The following EYS variants were observed in gnomAD, a reference collection of about 807,000 sequenced individuals.
EYS encodes the protein EGF-like photoreceptor maintenance factor.
A neutral mutation model predicts 282.1 loss-of-function variants in EYS; 250 were observed. That is an observed-to-expected ratio of 0.89 (90% CI 0.80 to 0.98). EYS has a LOEUF of 0.98. Among genes scored for constraint, EYS ranks in the 50% least tolerant of loss-of-function variants. The probability of loss-of-function intolerance (pLI) is 0.00; values close to 1 mark genes in which losing one functional copy is unlikely to be tolerated. For missense variants in EYS, 4,016 were observed against 3,709.0 expected, an observed-to-expected ratio of 1.08 and a Z score of -2.15; for synonymous variants, 1,355 against 1,282.9, an observed-to-expected ratio of 1.06 and a Z score of -1.20.
intron 19 of EYS, among the ~76,000 whole-genome samples, chr6:64,837,319 G>T (rs1197268466): frequency 6.6e-6 from 1 of 151,210 alleles, no homozygotes; most frequent in African/African-American, 2.4e-5. Context: ...AGGCATAGAA[G>T]AAACACACTT....
At position 63,776,551 on chromosome 6, in the gene EYS, A is replaced by T. The variant is rs999160459; in HGVS notation, c.7898+1455T>A. 9.8e-5 allele frequency among the ~76,000 whole-genome samples: 15 copies of T among 152,312 alleles called. No individual in the cohort carries two copies. The East Asian group carries it at 2.5e-3, about 25-fold the overall frequency. Reference sequence around the variant, plus strand: ...TGAGGAGCAATGGAAATAATATTTTAAAAAATGCTTTGTTACACACAAAGT... The same window carrying T: ...TGAGGAGCAATGGAAATAATATTTTTAAAAATGCTTTGTTACACACAAAGT... On this transcript the variant is annotated intron_variant, in intron 40 of 42. Transcript: ENST00000503581.
chr6:64,546,957 C>G (rs1380177723), intron 26 of EYS, among the ~76,000 whole-genome samples: 4 of 152,282 alleles, frequency 2.6e-5, no homozygotes, highest in African/African-American at 9.6e-5. Context: ...CTTGGTCTCA[C>G]TGACTTCAAG....
At chr6:64,637,392 A>T (rs1187795855) in intron 22 of EYS, among the ~76,000 whole-genome samples, 1 of 76,832 alleles carries the variant, frequency 1.3e-5, no homozygotes, top group East Asian at 3.1e-4. Flanking sequence ...GAATCGAACA[A>T]TGAGAACACA....
intron 30 of EYS, among the ~76,000 whole-genome samples, chr6:64,248,220 T>C (rs1167704145): frequency 6.7e-6 from 1 of 149,648 alleles, no homozygotes; most frequent in African/African-American, 2.5e-5. Flanking sequence ...TGTGTGTGTG[T>C]ATAGGTGCGT....
intron 22 of EYS, among the ~76,000 whole-genome samples, chr6:64,772,603 A>G (rs532420497): frequency 6.6e-6 from 1 of 151,776 alleles, no homozygotes; most frequent in African/African-American, 2.4e-5. Flanking sequence ...AGAACTTACC[A>G]CTTTTATCTA....
chr6:64,741,403 T>A (rs2149961282), intron 22 of EYS, among the ~76,000 whole-genome samples: 1 of 152,302 alleles, frequency 6.6e-6, no homozygotes, highest in East Asian at 1.9e-4. Context: ...AAAGTAGATT[T>A]AACATAATTC....
At chr6:65,277,173 G>A (rs958671995) in intron 12 of EYS, among the ~76,000 whole-genome samples, 1 of 152,092 alleles carries the variant, frequency 6.6e-6, no homozygotes, top group Admixed American at 6.6e-5. Context: ...AGTGGCTCAT[G>A]CCTGTAATTC....
intron 2 of EYS, among the ~76,000 whole-genome samples, chr6:65,588,503 T>C (rs1055170231): frequency 2.6e-5 from 4 of 152,028 alleles, no homozygotes; most frequent in Non-Finnish European, 5.9e-5. Flanking sequence ...TACCTGTCTG[T>C]TTCCTTCACT....
chr6:64,947,266 A>AT (rs1044330141), intron 14 of EYS, among the ~76,000 whole-genome samples: 2 of 151,870 alleles, frequency 1.3e-5, no homozygotes, highest in African/African-American at 2.4e-5. Flanking sequence ...TGGACAGCAA[A>AT]TTTTTTTTAC....
chr6:64,298,577 A>G (rs1481739265), intron 30 of EYS, among the ~76,000 whole-genome samples: 1 of 152,072 alleles, frequency 6.6e-6, no homozygotes, highest in Non-Finnish European at 1.5e-5. Flanking sequence ...TCACTATAAA[A>G]GATAAACTAA....
intron 36 of EYS, among the ~76,000 whole-genome samples, chr6:63,857,958 G>A (rs1346348252): frequency 1.3e-5 from 2 of 152,098 alleles, no homozygotes; most frequent in African/African-American, 4.8e-5. Context: ...ATATGTGATA[G>A]CATTAAATGT....
intron 33 of EYS, among the ~76,000 whole-genome samples, chr6:64,037,954 A>G (rs1233636560): frequency 1.3e-5 from 2 of 152,238 alleles, no homozygotes; most frequent in African/African-American, 4.8e-5. Context: ...GGCACTGGGT[A>G]AAGTTTCAAT....
intron 30 of EYS, among the ~76,000 whole-genome samples, chr6:64,284,747 G>T (rs562702968): frequency 6.6e-6 from 1 of 152,052 alleles, no homozygotes; most frequent in East Asian, 1.9e-4. Context: ...TTCTGCACCC[G>T]CATGCTCAAC....
intron 11 of EYS, 65 bp from the exon 12 acceptor site, chr6:65,296,184 T>G (rs1295691630): frequency 1.5e-6 from 2 of 1,343,132 alleles, no homozygotes; most frequent in Non-Finnish European, 2.0e-6. Flanking sequence ...TTTAAGTATT[T>G]AAATCACACA....
chr6:64,416,156 A>G (rs1311117703), intron 28 of EYS, among the ~76,000 whole-genome samples: 3 of 152,166 alleles, frequency 2.0e-5, no homozygotes, highest in Non-Finnish European at 4.4e-5. Flanking sequence ...GGCTTCCTTA[A>G]ATAAAGCACT....
intron 31 of EYS, among the ~76,000 whole-genome samples, chr6:64,093,478 T>G (rs1323831847): frequency 1.3e-5 from 2 of 152,200 alleles, no homozygotes; most frequent in African/African-American, 4.8e-5. Flanking sequence ...ACATCCCTTG[T>G]CAGTTGGATT....
chr6:65,423,115 C>T (rs1056421445), intron 5 of EYS, among the ~76,000 whole-genome samples: 3 of 151,492 alleles, frequency 2.0e-5, no homozygotes, highest in Non-Finnish European at 4.4e-5. Flanking sequence ...TAATCCTCAC[C>T]CACATAAAAA....
At chr6:64,398,519 C>T (rs1195413407) in intron 28 of EYS, among the ~76,000 whole-genome samples, 2 of 151,908 alleles carry the variant, frequency 1.3e-5, no homozygotes, top group Admixed American at 1.3e-4. Context: ...CACACACACA[C>T]ACACAAATAT....
At position 64,617,436 on chromosome 6, in the gene EYS, T is replaced by C; in HGVS notation, c.3666A>G (p.Leu1222=). ...CMENEPGSTC[L]CTPGFMTCSI... ...TCTTTACCATAAATCCAGGTGTGCATAAACATGTCGAGCCAGGTTCATTCT... is the reference window on the plus strand; with the variant it reads ...TCTTTACCATAAATCCAGGTGTGCACAAACATGTCGAGCCAGGTTCATTCT... Residue 1222 remains leucine (L), a synonymous_variant, in exon 24 of 43, where the codon TTA becomes TTG. Coordinates refer to ENST00000503581, the MANE Select transcript of EYS (RefSeq NM_001142800.2). 6.5e-7 allele frequency: 1 copy of C among 1,549,402 alleles called. No homozygotes were observed. Among genetic ancestry groups the C allele is most frequent in the Non-Finnish European group, 8.7e-7 (1 of 1,145,080 alleles).
Sources: gnomAD v4.1 joint callset for allele counts (sites outside exome capture counted in the v4.1 genomes callset) on GRCh38, gnomAD v4.1.1 for gene constraint, MANE v1.5 for transcripts, NCBI Gene and HGNC (gene_info 2026-07-23, HGNC 2026-07-21) for gene names.